The following FMNL2 variants were observed in gnomAD, a reference collection of about 807,000 sequenced individuals.
The protein encoded by FMNL2 is formin-like protein 2.
FMNL2 carries 51 observed loss-of-function variants against 130.2 expected under a neutral mutation model. The ratio of observed to expected loss-of-function variants is 0.39; its 90% CI spans 0.31 to 0.49. The LOEUF is 0.49. FMNL2 is among the 20% of genes least tolerant of loss of function. The pLI is 0.85. For missense variants in FMNL2, 977 were observed against 1,316.2 expected, an observed-to-expected ratio of 0.74 and a Z score of 3.99; for synonymous variants, 465 against 467.1, an observed-to-expected ratio of 1.00 and a Z score of 0.06.
intron 2 of FMNL2, among the ~76,000 whole-genome samples, chr2:152,523,470 C>T (rs946127184): frequency 3.3e-5 from 5 of 152,216 alleles, no homozygotes; most frequent in African/African-American, 1.2e-4. Flanking sequence ...GATATCCTCA[C>T]TGAAAAAAAC....
intron 18 of FMNL2, 84 bp downstream of exon 18, chr2:152,628,617 C>A: frequency 8.4e-7 from 1 of 1,195,646 alleles, no homozygotes; most frequent in Non-Finnish European, 1.2e-6. Context: ...GAATCGTACT[C>A]AGTGTGATGG....
At chr2:152,409,268 G>A (rs1343930306) in intron 1 of FMNL2, among the ~76,000 whole-genome samples, 2 of 152,150 alleles carry the variant, frequency 1.3e-5, no homozygotes, top group Non-Finnish European at 2.9e-5. Context: ...TGAGGGATTA[G>A]AAAAATGGCA....
chr2:152,431,287 T>C (rs565734996), intron 1 of FMNL2, among the ~76,000 whole-genome samples: 1 of 152,320 alleles, frequency 6.6e-6, no homozygotes, highest in Admixed American at 6.5e-5. Context: ...TCAATTATGA[T>C]AATGGTGTGA....
rs557683877 is a variant in FMNL2, at chr2:152,415,892, A to G, written c.117+80172A>G. Among the ~76,000 whole-genome samples the G allele has an allele frequency of 5.3e-5, 8 of 152,318 alleles. No homozygotes were observed. The East Asian group carries it at 1.2e-3, about 22-fold the overall frequency. ...ACCATAGCTGCTTCTGCCAAAGTGAATGTGGTCACCAGGGCAACAATGGCA... is the reference window on the plus strand; with the variant it reads ...ACCATAGCTGCTTCTGCCAAAGTGAGTGTGGTCACCAGGGCAACAATGGCA... On this transcript the variant is annotated intron_variant, in intron 1 of 25. Coordinates refer to ENST00000288670, the MANE Select transcript of FMNL2 (RefSeq NM_052905.4).
chr2:152,617,277 A>T (rs1699005621), intron 13 of FMNL2, 85 bp downstream of exon 13: 3 of 1,203,552 alleles, frequency 2.5e-6, no homozygotes, highest in Non-Finnish European at 3.6e-6. Context: ...GAGTACCTTC[A>T]TTTCAGAGGA....
Position 152,372,830 on chromosome 2 carries a change from T to G in FMNL2, c.117+37110T>G, listed in dbSNP as rs184867295. Among the ~76,000 whole-genome samples the G allele has an allele frequency of 3.9e-5, 6 of 152,360 alleles. No individual in the cohort carries two copies. In the East Asian group the frequency reaches 7.7e-4, roughly 20 times the overall value. On this transcript the variant is annotated intron_variant, in intron 1 of 25. Transcript: ENST00000288670. ...CCTCTGGTTTCATTGAAGGCTACTTTAGCTCTCTGTTTTGGTTGGCTGATA... is the reference window on the plus strand; with the variant it reads ...CCTCTGGTTTCATTGAAGGCTACTTGAGCTCTCTGTTTTGGTTGGCTGATA...
chr2:152,530,426 T>C (rs1299207873), intron 2 of FMNL2, among the ~76,000 whole-genome samples: 2 of 152,148 alleles, frequency 1.3e-5, no homozygotes, highest in East Asian at 3.8e-4. Context: ...GAGCTGAAAC[T>C]AAAACTGAAG....
chr2:152,495,480 T>C (rs1691452366), intron 1 of FMNL2, among the ~76,000 whole-genome samples: 1 of 151,220 alleles, frequency 6.6e-6, no homozygotes. Flanking sequence ...CAAAACACCG[T>C]CTGTAATAAA....
chr2:152,520,671 T>C (rs958732861), intron 1 of FMNL2, among the ~76,000 whole-genome samples: 1 of 152,072 alleles, frequency 6.6e-6, no homozygotes, highest in African/African-American at 2.4e-5. Context: ...CTCAAATAGG[T>C]GGCAGATATA....
intron 1 of FMNL2, among the ~76,000 whole-genome samples, chr2:152,467,697 G>A (rs1309703471): frequency 1.3e-5 from 2 of 152,216 alleles, no homozygotes; most frequent in African/African-American, 4.8e-5. Flanking sequence ...TGAGCTCGCT[G>A]TGGACTTTAT....
intron 1 of FMNL2, among the ~76,000 whole-genome samples, chr2:152,486,412 G>C (rs969284472): frequency 2.0e-5 from 3 of 152,142 alleles, no homozygotes; most frequent in African/African-American, 7.2e-5. Flanking sequence ...TAAGCATTTT[G>C]ACCTGGAAAT....
chr2:152,363,354 C>A (rs946794598), intron 1 of FMNL2, among the ~76,000 whole-genome samples: 3 of 152,242 alleles, frequency 2.0e-5, no homozygotes, highest in South Asian at 2.1e-4. Context: ...TAGTTTGTTT[C>A]CTGAAAATCT....
intron 3 of FMNL2, among the ~76,000 whole-genome samples, chr2:152,546,397 G>C (rs1694637109): frequency 6.6e-6 from 1 of 151,974 alleles, no homozygotes; most frequent in East Asian, 1.9e-4. Flanking sequence ...GGAGGTACCA[G>C]CCTCTCTTAA....
At chr2:152,536,871 C>T (rs953726688) in intron 2 of FMNL2, among the ~76,000 whole-genome samples, 17 of 152,142 alleles carry the variant, frequency 1.1e-4, no homozygotes, top group African/African-American at 3.4e-4. Flanking sequence ...ATTTATGGAG[C>T]GGAAATGCTT....
intron 9 of FMNL2, among the ~76,000 whole-genome samples, chr2:152,602,159 G>A (rs1384635131): frequency 6.6e-6 from 1 of 152,210 alleles, no homozygotes; most frequent in Non-Finnish European, 1.5e-5. Flanking sequence ...GCTTGAAGGT[G>A]CAAAGAGAGG....
chr2:152,647,051 T>A (rs932605819), intron 25 of FMNL2, among the ~76,000 whole-genome samples: 1 of 152,170 alleles, frequency 6.6e-6, no homozygotes, highest in East Asian at 1.9e-4. Context: ...CACAACTACT[T>A]CTTGCTGACG....
At chr2:152,590,198 T>C (rs1036191584) in intron 9 of FMNL2, among the ~76,000 whole-genome samples, 4 of 151,406 alleles carry the variant, frequency 2.6e-5, no homozygotes, top group African/African-American at 9.7e-5. Flanking sequence ...CTAGCTGCTT[T>C]TTAAAGTAGT....
intron 1 of FMNL2, among the ~76,000 whole-genome samples, chr2:152,377,076 G>C (rs1684216949): frequency 6.6e-6 from 1 of 152,216 alleles, no homozygotes; most frequent in African/African-American, 2.4e-5. Flanking sequence ...TACTGAATAG[G>C]AATAGTGATG....
intron 4 of FMNL2, among the ~76,000 whole-genome samples, chr2:152,549,534 T>A (rs1342174138): frequency 6.6e-6 from 1 of 152,232 alleles, no homozygotes; most frequent in Non-Finnish European, 1.5e-5. Flanking sequence ...GAAGCTGGAA[T>A]AATGTCACTT....
Sources: allele counts gnomAD v4.1 joint callset (sites outside exome capture counted in the v4.1 genomes callset), GRCh38; gene constraint gnomAD v4.1.1; transcripts MANE v1.5; gene names NCBI Gene and HGNC (gene_info 2026-07-23, HGNC 2026-07-21).